PRKD1: variants seen among roughly 807,000 people sequenced by gnomAD.
PRKD1 encodes the protein serine/threonine-protein kinase D1.
In PRKD1, 63 loss-of-function variants were observed where a neutral mutation model predicts 95.9. The ratio of observed to expected loss-of-function variants is 0.66; its 90% CI spans 0.54 to 0.81. The LOEUF is 0.81. PRKD1 is among the 30% of genes least tolerant of loss of function. The probability of loss-of-function intolerance (pLI) is 0.00; values close to 1 mark genes in which losing one functional copy is unlikely to be tolerated. For missense variants in PRKD1, 1,048 were observed against 1,165.3 expected (o/e 0.90, Z 1.47); for synonymous variants, 425 against 423.1 (o/e 1.00, Z -0.05).
chr14:29,757,789 G>A (rs1887779016), intron 1 of PRKD1, among the ~76,000 whole-genome samples: 2 of 152,056 alleles, frequency 1.3e-5, no homozygotes, highest in Admixed American at 6.6e-5. Flanking sequence ...GGAGACAGGG[G>A]TGAATGGCAG....
intron 1 of PRKD1, among the ~76,000 whole-genome samples, chr14:29,814,821 T>C (rs1305841109): frequency 6.6e-6 from 1 of 152,200 alleles, no homozygotes; most frequent in African/African-American, 2.4e-5. Context: ...AATTATATTT[T>C]ATGCAATTTA....
chr14:29,770,946 A>C (rs2139137628), intron 1 of PRKD1, among the ~76,000 whole-genome samples: 1 of 151,210 alleles, frequency 6.6e-6, no homozygotes, highest in South Asian at 2.1e-4. Context: ...AAAAAAAAAA[A>C]AAAAAGGAAA....
intron 1 of PRKD1, among the ~76,000 whole-genome samples, chr14:29,925,766 G>C (rs1261454746): frequency 6.6e-6 from 1 of 152,186 alleles, no homozygotes; most frequent in Non-Finnish European, 1.5e-5. Context: ...AGTTAAAATT[G>C]TACAGAATTA....
In PRKD1 at chr14:29,849,048, A is replaced by G. The variant is rs1390627198; in HGVS notation, c.264+78201T>C. On this transcript the variant is annotated intron_variant, in intron 1 of 17. Coordinates refer to ENST00000331968, the MANE Select transcript of PRKD1 (RefSeq NM_002742.3). ...GAGACTATTATGAACACCTCTTGAT[A>G]TGGTTTGCATTTGTGTCCCCACCAA... is the stretch of plus-strand genomic sequence containing the variant. Among the ~76,000 whole-genome samples the G allele has an allele frequency of 5.9e-5, 9 of 152,330 alleles. No homozygotes were observed. In the East Asian group the frequency reaches 1.7e-3, roughly 29 times the overall value.
At chr14:29,704,599 C>A (rs1382454246) in intron 2 of PRKD1, among the ~76,000 whole-genome samples, 1 of 152,064 alleles carries the variant, frequency 6.6e-6, no homozygotes, top group Admixed American at 6.6e-5. Flanking sequence ...CCACCCACCC[C>A]CTGCCCCAAT....
At chr14:29,877,246 G>A in intron 1 of PRKD1, among the ~76,000 whole-genome samples, 1 of 152,232 alleles carries the variant, frequency 6.6e-6, no homozygotes, top group East Asian at 1.9e-4. Flanking sequence ...CTGGTACACT[G>A]CTGGTAGGGA....
At chr14:29,797,991 C>T (rs1889886154) in intron 1 of PRKD1, among the ~76,000 whole-genome samples, 1 of 152,096 alleles carries the variant, frequency 6.6e-6, no homozygotes, top group African/African-American at 2.4e-5. Context: ...GAACTCAATG[C>T]CATATAAATC....
At chr14:29,754,723 T>C (rs570424969) in intron 1 of PRKD1, among the ~76,000 whole-genome samples, 110 of 152,168 alleles carry the variant, frequency 7.2e-4, no homozygotes, top group African/African-American at 2.6e-3. Context: ...TTAAAAAAGT[T>C]TACTATGACT....
At chr14:29,848,074 T>C (rs559914442) in intron 1 of PRKD1, among the ~76,000 whole-genome samples, 2 of 152,304 alleles carry the variant, frequency 1.3e-5, no homozygotes, top group Admixed American at 6.5e-5. Flanking sequence ...TTCTGGTCAA[T>C]GTCAGCTCTT....
At chr14:29,697,100 T>A (rs190709303) in intron 2 of PRKD1, among the ~76,000 whole-genome samples, 2 of 151,470 alleles carry the variant, frequency 1.3e-5, no homozygotes, top group African/African-American at 4.9e-5. Context: ...GCCCAAGATA[T>A]CACATCTACA....
At chr14:29,725,222 T>G (rs1886080539) in intron 2 of PRKD1, among the ~76,000 whole-genome samples, 1 of 152,164 alleles carries the variant, frequency 6.6e-6, no homozygotes, top group East Asian at 1.9e-4. Flanking sequence ...GTTGGTGAGT[T>G]TCTTGTTTGC....
At chr14:29,622,117 C>G (rs1461594130) in intron 13 of PRKD1, among the ~76,000 whole-genome samples, 2 of 152,116 alleles carry the variant, frequency 1.3e-5, no homozygotes, top group Non-Finnish European at 2.9e-5. Flanking sequence ...ATAAGGAGTG[C>G]ACAACCAGAA....
At chr14:29,715,431 A>C (rs1054410449) in intron 2 of PRKD1, among the ~76,000 whole-genome samples, 5 of 152,152 alleles carry the variant, frequency 3.3e-5, no homozygotes, top group African/African-American at 1.2e-4. Context: ...AATTTATTTT[A>C]ATTAATGTAC....
At chr14:29,830,461 T>A (rs1489352061) in intron 1 of PRKD1, among the ~76,000 whole-genome samples, 1 of 152,302 alleles carries the variant, frequency 6.6e-6, no homozygotes, top group Non-Finnish European at 1.5e-5. Context: ...AAGAATTAAG[T>A]CAGGTCTACC....
At chr14:29,810,584 T>C (rs1326804978) in intron 1 of PRKD1, among the ~76,000 whole-genome samples, 1 of 152,260 alleles carries the variant, frequency 6.6e-6, no homozygotes, top group Non-Finnish European at 1.5e-5. Flanking sequence ...GAAAACATTT[T>C]AGGCCTATTT....
intron 1 of PRKD1, among the ~76,000 whole-genome samples, chr14:29,914,364 C>CA (rs1894819836): frequency 2.0e-5 from 3 of 152,036 alleles, no homozygotes; most frequent in African/African-American, 7.2e-5. Context: ...TCATAATTGA[C>CA]AAAAAATAAG....
chr14:29,745,274 T>A (rs1307532545), intron 1 of PRKD1, among the ~76,000 whole-genome samples: 1 of 152,192 alleles, frequency 6.6e-6, no homozygotes, highest in Non-Finnish European at 1.5e-5. Context: ...AAAAAAGAAT[T>A]CTGTCTCTTA....
intron 2 of PRKD1, among the ~76,000 whole-genome samples, chr14:29,679,527 T>C (rs895020856): frequency 2.6e-4 from 39 of 152,168 alleles, no homozygotes; most frequent in Non-Finnish European, 5.7e-4. Context: ...AGTAGATTCA[T>C]AGTCAACCTT....
intron 2 of PRKD1, among the ~76,000 whole-genome samples, chr14:29,715,643 CA>C (rs1381520232): frequency 6.6e-6 from 1 of 152,086 alleles, no homozygotes; most frequent in African/African-American, 2.4e-5. Flanking sequence ...AGCAGAAAAC[CA>C]AAGGTTTTTT....
Sources: gnomAD v4.1 joint callset for allele counts (sites outside exome capture counted in the v4.1 genomes callset) on GRCh38, gnomAD v4.1.1 for gene constraint, MANE v1.5 for transcripts, NCBI Gene and HGNC (gene_info 2026-07-23, HGNC 2026-07-21) for gene names.